The following RETREG1 variants were observed in gnomAD, a reference collection of about 807,000 sequenced individuals.
RETREG1 encodes family with sequence similarity 134 member B.
RETREG1 carries 44 observed loss-of-function variants against 54.8 expected under a neutral mutation model. The ratio of observed to expected loss-of-function variants is 0.80; its 90% confidence interval spans 0.63 to 1.03. The LOEUF (loss-of-function observed/expected upper bound fraction) is 1.03, where lower values mean the gene tolerates loss of function less well. Ranked by LOEUF, RETREG1 falls within the 50% of genes least tolerant of loss-of-function variation. RETREG1 has a pLI of 0.00. For synonymous variants in RETREG1, 217 were observed against 238.5 expected (o/e 0.91, Z 0.83); for missense variants, 554 against 605.1 (o/e 0.92, Z 0.89).
rs114297880 is a variant in RETREG1, at chr5:16,554,948, T to C, written c.458+10815A>G. 4.9e-3 allele frequency among the ~76,000 whole-genome samples: 742 copies of C among 152,232 alleles called. 6 individuals carry two copies. The highest frequency in any genetic ancestry group is 0.017 in the African/African-American group (686 of 41,536). ...CGCAATCTGCAAACTCACCTTCAAG[T>C]TCTTGTTCAAAAATCTCCAGTAACA... is the stretch of plus-strand genomic sequence containing the variant. On this transcript the variant is annotated intron_variant, in intron 3 of 8. Transcript: ENST00000306320.
At chr5:16,599,595 T>C (rs1329179868) in intron 1 of RETREG1, among the ~76,000 whole-genome samples, 1 of 152,122 alleles carries the variant, frequency 6.6e-6, no homozygotes, top group African/African-American at 2.4e-5. Context: ...GTTTTACCCA[T>C]TCAATTACTG....
In RETREG1 at chr5:16,529,493, G is replaced by A. The variant is rs1412895439; in HGVS notation, c.458+36270C>T. 3.9e-5 allele frequency among the ~76,000 whole-genome samples: 6 copies of A among 152,136 alleles called. No individual in the cohort carries two copies. The East Asian group carries it at 1.2e-3, about 29-fold the overall frequency. On this transcript the variant is annotated intron_variant, in intron 3 of 8. Coordinates refer to ENST00000306320, the MANE Select transcript of RETREG1 (RefSeq NM_001034850.3). ...CTGAAATTGCCCTGCCACATGGGTC[G>A]CCCTGTCATATAATTAGCTTCTTAT...
intron 1 of RETREG1, among the ~76,000 whole-genome samples, chr5:16,579,062 G>C (rs1359362525): frequency 6.6e-6 from 1 of 152,202 alleles, no homozygotes; most frequent in Non-Finnish European, 1.5e-5. Context: ...AACCGCAAGA[G>C]AGCCACAAGA....
chr5:16,475,185 A>G lies in RETREG1; in HGVS notation c.1050T>C (p.Phe350=), dbSNP rs377735218. Residue 350 remains phenylalanine, a synonymous_variant, in exon 9 of 9, where the codon TTT becomes TTC. Coordinates refer to ENST00000306320, the MANE Select transcript of RETREG1 (RefSeq NM_001034850.3). Reference sequence around the variant, plus strand: ...TTCCCATGCCATTTTCTAGAGATGGAAAATCTGAAAGATCTCTAGAGAAAA... The same window carrying G: ...TTCCCATGCCATTTTCTAGAGATGGGAAATCTGAAAGATCTCTAGAGAAAA... ...EEVFSRDLSD[F]PSLENGMGTN... is the part of the protein sequence containing the mutation. The G allele has an allele frequency of 3.1e-6, 5 of 1,613,562 alleles. No individual in the cohort carries two copies. Among genetic ancestry groups the G allele is most frequent in the Non-Finnish European group, 4.2e-6 (5 of 1,179,818 alleles).
chr5:16,563,432 A>AT (rs145122934), intron 3 of RETREG1, among the ~76,000 whole-genome samples: 7,808 of 151,918 alleles, frequency 0.051, 276 homozygotes, highest in Non-Finnish European at 0.08. Context: ...TAATTTTTGT[A>AT]TTTTTTTGTA....
intron 3 of RETREG1, among the ~76,000 whole-genome samples, chr5:16,512,983 C>G (rs752435450): frequency 1.9e-4 from 29 of 151,906 alleles, no homozygotes; most frequent in Non-Finnish European, 3.1e-4. Flanking sequence ...TCTCTCGCAG[C>G]AACTGGGGTC....
chr5:16,502,521 G>A (rs574049998), intron 3 of RETREG1, among the ~76,000 whole-genome samples: 3 of 152,288 alleles, frequency 2.0e-5, no homozygotes, highest in Admixed American at 6.5e-5. Flanking sequence ...ATGTCTAGAT[G>A]CCACTGAGAA....
chr5:16,530,563 A>T lies in RETREG1; in HGVS notation c.458+35200T>A, dbSNP rs1740881102. Among the ~76,000 whole-genome samples the T allele has an allele frequency of 2.6e-5, 4 of 152,324 alleles. No individual in the cohort carries two copies. The South Asian group carries it at 8.3e-4, about 32-fold the overall frequency. On this transcript the variant is annotated intron_variant, in intron 3 of 8. Coordinates refer to ENST00000306320, the MANE Select transcript of RETREG1 (RefSeq NM_001034850.3). ...GCTTGGCATGCTGACCATCTTACTC[A>T]AGTGTCTGCTTTTTAAAAACACCTG...
In RETREG1 at chr5:16,572,360, G is replaced by C. The variant is rs562307626; in HGVS notation, c.321-258C>G. Among the ~76,000 whole-genome samples the C allele has an allele frequency of 2.0e-5, 3 of 152,172 alleles. No individual in the cohort carries two copies. In the South Asian group the frequency reaches 6.2e-4, roughly 32 times the overall value. ...CGCAAGTAGCTGGGATTATAGGCAT[G>C]AGCCACCACGCCAAGCTCATTTTTG... On this transcript the variant is annotated intron_variant, in intron 1 of 8. Coordinates refer to ENST00000306320, the MANE Select transcript of RETREG1 (RefSeq NM_001034850.3).
intron 5 of RETREG1, among the ~76,000 whole-genome samples, chr5:16,479,505 T>C (rs1235763626): frequency 6.6e-6 from 1 of 152,134 alleles, no homozygotes; most frequent in Non-Finnish European, 1.5e-5. Context: ...TTGTGAAGCA[T>C]AAATGAAATC....
At chr5:16,610,564 C>A (rs1189014789) in intron 1 of RETREG1, among the ~76,000 whole-genome samples, 1 of 152,200 alleles carries the variant, frequency 6.6e-6, no homozygotes, top group African/African-American at 2.4e-5. Context: ...TTTACAAGAA[C>A]AAATCGAACA....
At chr5:16,591,970 C>T (rs1258940896) in intron 1 of RETREG1, among the ~76,000 whole-genome samples, 8 of 152,216 alleles carry the variant, frequency 5.3e-5, no homozygotes, top group African/African-American at 1.9e-4. Context: ...AAATGCCTCA[C>T]TTCAACCACA....
At chr5:16,610,108 T>C (rs1173208758) in intron 1 of RETREG1, among the ~76,000 whole-genome samples, 1 of 152,132 alleles carries the variant, frequency 6.6e-6, no homozygotes, top group East Asian at 1.9e-4. Context: ...TAACGCAAGC[T>C]GGGGCACCCC....
At chr5:16,517,392 T>A (rs577817356) in intron 3 of RETREG1, among the ~76,000 whole-genome samples, 1 of 152,368 alleles carries the variant, frequency 6.6e-6, no homozygotes, top group African/African-American at 2.4e-5. Flanking sequence ...TTTATTATTG[T>A]ATCTCAGCAA....
intron 3 of RETREG1, among the ~76,000 whole-genome samples, chr5:16,548,266 G>A (rs115667295): frequency 0.01 from 1,567 of 152,214 alleles, 31 homozygotes; most frequent in African/African-American, 0.035. Context: ...TTGGCCATGT[G>A]ACTTGCTTAG....
rs976607298 is a variant in RETREG1, at chr5:16,597,400, C to T, written c.320+19252G>A. ...CCTTATTCACTGATTTGTCACTGTA[C>T]CTTCATCATTAAATCCAAAAGCATC... is the stretch of plus-strand genomic sequence containing the variant. On this transcript the variant is annotated intron_variant, in intron 1 of 8. Coordinates refer to ENST00000306320, the MANE Select transcript of RETREG1 (RefSeq NM_001034850.3). The surrounding 1 kb of genome is among the most constrained non-coding windows in gnomAD (Gnocchi z 4.3). 2.0e-5 allele frequency among the ~76,000 whole-genome samples: 3 copies of T among 152,212 alleles called. No individual in the cohort carries two copies. Among genetic ancestry groups the T allele is most frequent in the African/African-American group, 7.2e-5 (3 of 41,460 alleles).
chr5:16,483,977 G>A (rs1738916343), intron 3 of RETREG1, among the ~76,000 whole-genome samples: 1 of 152,034 alleles, frequency 6.6e-6, no homozygotes, highest in Admixed American at 6.6e-5. Context: ...TAAGGATTGG[G>A]AAACCACAGT....
At chr5:16,493,171 C>T (rs543426724) in intron 3 of RETREG1, among the ~76,000 whole-genome samples, 1 of 152,270 alleles carries the variant, frequency 6.6e-6, no homozygotes, top group South Asian at 2.1e-4. Context: ...CTATCTCAAA[C>T]TGAGCACTGC....
chr5:16,497,223 A>G (rs1041613497), intron 3 of RETREG1, among the ~76,000 whole-genome samples: 2 of 152,212 alleles, frequency 1.3e-5, no homozygotes, highest in African/African-American at 4.8e-5. Context: ...AAGAAAGCAG[A>G]CACAGCTAAG....
Sources: allele counts gnomAD v4.1 joint callset (sites outside exome capture counted in the v4.1 genomes callset), GRCh38; gene constraint gnomAD v4.1.1; non-coding constraint Gnocchi (gnomAD v3.1); transcripts MANE v1.5; gene names NCBI Gene and HGNC (gene_info 2026-07-23, HGNC 2026-07-21).